Variants in MAGI2 observed in about 807,000 individuals in gnomAD.
The protein encoded by MAGI2 is membrane-associated guanylate kinase, WW and PDZ domain-containing protein 2.
In MAGI2, 35 loss-of-function variants were observed where a neutral mutation model predicts 133.3. The observed-to-expected ratio is 0.26, with a 90% CI of 0.20 to 0.35. The LOEUF is 0.35. Ranked by LOEUF, MAGI2 falls within the 10% of genes least tolerant of loss-of-function variation. The pLI is 1.00. For synonymous variants in MAGI2, 729 were observed against 710.6 expected (o/e 1.03, Z -0.41); for missense variants, 1,636 against 1,863.4 (o/e 0.88, Z 2.25).
intron 2 of MAGI2, among the ~76,000 whole-genome samples, chr7:78,967,146 T>C (rs1803386641): frequency 6.6e-6 from 1 of 151,964 alleles, no homozygotes; most frequent in South Asian, 2.1e-4. Context: ...TATTCCATGT[T>C]GCCCAGGCTG....
chr7:78,406,644 C>A (rs1797404533), intron 6 of MAGI2, among the ~76,000 whole-genome samples: 1 of 151,978 alleles, frequency 6.6e-6, no homozygotes, highest in South Asian at 2.1e-4. Context: ...AGTTAGCATT[C>A]CTTGCATTTC....
At chr7:78,702,871 C>A (rs1818219527) in intron 2 of MAGI2, among the ~76,000 whole-genome samples, 1 of 151,950 alleles carries the variant, frequency 6.6e-6, no homozygotes, top group South Asian at 2.1e-4. Context: ...GTCTGCTATG[C>A]AGTTGGTTAA....
chr7:78,989,494 CAA>C (rs1805557265), intron 2 of MAGI2, among the ~76,000 whole-genome samples: 1 of 151,978 alleles, frequency 6.6e-6, no homozygotes, highest in Admixed American at 6.6e-5. Flanking sequence ...GCTTGATTTT[CAA>C]AGATGTTACA....
chr7:78,991,073 G>A (rs755164266), intron 2 of MAGI2, among the ~76,000 whole-genome samples: 44 of 151,906 alleles, frequency 2.9e-4, no homozygotes, highest in Non-Finnish European at 4.9e-4. Flanking sequence ...TCTTGTGATA[G>A]TGAAGGAGCT....
chr7:79,095,037 C>A (rs1817400425), intron 1 of MAGI2, among the ~76,000 whole-genome samples: 1 of 152,106 alleles, frequency 6.6e-6, no homozygotes, highest in Non-Finnish European at 1.5e-5. Flanking sequence ...CATTGAATTC[C>A]CTCTAGATAG....
At chr7:78,169,994 T>C (rs1584247725) in intron 14 of MAGI2, among the ~76,000 whole-genome samples, 1 of 152,242 alleles carries the variant, frequency 6.6e-6, no homozygotes, top group Admixed American at 6.5e-5. Context: ...CAAAAGCCAG[T>C]TAAAACAAAT....
chr7:79,327,071 G>A (rs1232953525), intron 1 of MAGI2, among the ~76,000 whole-genome samples: 2 of 152,118 alleles, frequency 1.3e-5, no homozygotes, highest in Non-Finnish European at 2.9e-5. Context: ...AAACAGTGCA[G>A]ACTCTGGAGC....
At chr7:78,212,558 T>G (rs994191978) in intron 10 of MAGI2, among the ~76,000 whole-genome samples, 1 of 152,138 alleles carries the variant, frequency 6.6e-6, no homozygotes, top group Non-Finnish European at 1.5e-5. Flanking sequence ...TGTGCTGACA[T>G]TTTGATTTTA....
At chr7:78,400,507 T>A (rs561887486) in intron 6 of MAGI2, among the ~76,000 whole-genome samples, 1 of 152,332 alleles carries the variant, frequency 6.6e-6, no homozygotes, top group South Asian at 2.1e-4. Flanking sequence ...CAGTGAAATT[T>A]AAAAAATGTA....
At chr7:78,302,050 AT>A (rs1282298353) in intron 9 of MAGI2, among the ~76,000 whole-genome samples, 1 of 152,204 alleles carries the variant, frequency 6.6e-6, no homozygotes, top group Non-Finnish European at 1.5e-5. Context: ...TGATTATTAC[AT>A]TTACTAGACT....
At chr7:78,631,514 G>A (rs934429291) in intron 2 of MAGI2, among the ~76,000 whole-genome samples, 1 of 152,080 alleles carries the variant, frequency 6.6e-6, no homozygotes, top group Non-Finnish European at 1.5e-5. Flanking sequence ...CCAATCTATG[G>A]TCAAGAGAGT....
At chr7:79,431,897 A>C (rs1161317718) in intron 1 of MAGI2, among the ~76,000 whole-genome samples, 1 of 152,228 alleles carries the variant, frequency 6.6e-6, no homozygotes, top group African/African-American at 2.4e-5. Flanking sequence ...GCAGCCACTT[A>C]GTACTGAGTG....
chr7:78,031,059 T>G (rs544991941), intron 21 of MAGI2, among the ~76,000 whole-genome samples: 1 of 152,284 alleles, frequency 6.6e-6, no homozygotes, highest in South Asian at 2.1e-4. Flanking sequence ...ACTTATACAC[T>G]CAACGTGAGT....
chr7:78,553,595 A>C (rs1799543016), intron 3 of MAGI2, among the ~76,000 whole-genome samples: 1 of 152,192 alleles, frequency 6.6e-6, no homozygotes, highest in African/African-American at 2.4e-5. Context: ...TAGTTAGATG[A>C]TTATCTCATT....
rs145728530 is a variant in MAGI2, at chr7:78,871,425, C to T, written c.418+135665G>A. 4.0e-4 allele frequency among the ~76,000 whole-genome samples: 61 copies of T among 152,174 alleles called. No individual in the cohort carries two copies. In the East Asian group the frequency reaches 0.011, roughly 27 times the overall value. On this transcript the variant is annotated intron_variant, in intron 2 of 21. Transcript: ENST00000354212. ...TCAGGTGATGGGTGCACCATAATCT[C>T]AGAAATCACCACCAAACAACTTACC...
intron 6 of MAGI2, among the ~76,000 whole-genome samples, chr7:78,480,634 C>A (rs1006602993): frequency 6.6e-6 from 1 of 151,830 alleles, no homozygotes; most frequent in Admixed American, 6.6e-5. Flanking sequence ...TAAGAAATAT[C>A]TTATGATTAT....
chr7:78,257,176 C>T (rs1212491207), intron 9 of MAGI2, among the ~76,000 whole-genome samples: 2 of 152,090 alleles, frequency 1.3e-5, no homozygotes, highest in African/African-American at 4.8e-5. Flanking sequence ...GGGTTGACAC[C>T]TTGGCTCTAC....
chr7:78,358,524 A>G, intron 7 of MAGI2: 1 of 154,078 alleles, frequency 6.5e-6, no homozygotes, highest in Non-Finnish European at 1.4e-5. Flanking sequence ...CTGGGCCCCC[A>G]GCGCATCTTT....
chr7:79,152,659 C>G (rs1309311183), intron 1 of MAGI2, among the ~76,000 whole-genome samples: 1 of 152,118 alleles, frequency 6.6e-6, no homozygotes, highest in African/African-American at 2.4e-5. Flanking sequence ...TCAGGTTCCA[C>G]TCCAAATGAA....
Sources: allele counts gnomAD v4.1 joint callset (sites outside exome capture counted in the v4.1 genomes callset), GRCh38; gene constraint gnomAD v4.1.1; transcripts MANE v1.5; gene names NCBI Gene and HGNC (gene_info 2026-07-23, HGNC 2026-07-21).